The following AGRN variants were observed in gnomAD, a reference collection of about 807,000 sequenced individuals.
The protein encoded by AGRN is agrin.
Under a neutral mutation model 211.0 loss-of-function variants are expected in AGRN, and 106 were observed. The ratio of observed to expected loss-of-function variants is 0.50; its 90% CI spans 0.43 to 0.59. AGRN has a LOEUF of 0.59. Ranked by LOEUF, AGRN falls within the 20% of genes least tolerant of loss-of-function variation. The pLI is 0.00. For synonymous variants in AGRN, 1,525 were observed against 1,332.5 expected (o/e 1.14, Z -3.15); for missense variants, 3,040 against 2,982.6 (o/e 1.02, Z -0.45).
intron 14 of AGRN, 97 bp from the exon 15 acceptor site, chr1:1,045,636 G>A (rs1645069956): frequency 3.1e-6 from 5 of 1,608,046 alleles, no homozygotes; most frequent in South Asian, 1.1e-5. Context: ...ACCTGGCTGG[G>A]GGCTGGGCAG....
intron 22 of AGRN, 21 bp downstream of exon 22, chr1:1,047,916 C>T: frequency 6.2e-7 from 1 of 1,603,936 alleles, no homozygotes; most frequent in South Asian, 1.1e-5. Flanking sequence ...GGCCACGAGC[C>T]ACAGCTTACC....
Position 1,046,488 on chromosome 1 carries a change from C to G in AGRN, c.3003C>G (p.Pro1001=), listed in dbSNP as rs375208869. The change falls in exon 18 of 36, where the codon CCC becomes CCG. Residue 1001 remains proline (P), a synonymous_variant. Coordinates refer to ENST00000379370, the MANE Select transcript of AGRN (RefSeq NM_198576.4). ...LLLSQALPAP[P]GALPLAPSST... Reference sequence around the variant, plus strand: ...TGAGCCAGGCACTGCCGGCCCCCCCCGGCGCCCTCCCCCTGGCTCCCAGCA... The same window carrying G: ...TGAGCCAGGCACTGCCGGCCCCCCCGGGCGCCCTCCCCCTGGCTCCCAGCA... The G allele has an allele frequency of 8.1e-6, 13 of 1,610,532 alleles. No individual in the cohort carries two copies. Among genetic ancestry groups the G allele is most frequent in the African/African-American group, 1.3e-5 (1 of 74,992 alleles).
chr1:1,056,042 G>A lies in AGRN; in HGVS notation c.*1061G>A, dbSNP rs1043556217. ...GACCCGATGAAGCGGGCGGCGGTGG[G>A]GCTGGGTGCCGTGTTACTAACTCTA... On this transcript the variant is annotated 3_prime_UTR_variant, in exon 36 of 36. Transcript: ENST00000379370. 1 of 152,336 alleles carries A rather than the reference G, an allele frequency of 6.6e-6. No homozygotes were observed. Among genetic ancestry groups the A allele is most frequent in the Non-Finnish European group, 1.5e-5 (1 of 68,114 alleles). The allele number at this position is 152,336 out of a possible 1,614,324, so 9.4% of individuals were successfully genotyped here.
chr1:1,022,509 T>G, intron 2 of AGRN, 47 bp downstream of exon 2: 2 of 1,531,304 alleles, frequency 1.3e-6, no homozygotes, highest in Non-Finnish European at 8.9e-7. Context: ...GTCAGGGCAG[T>G]GGCCAAGGGG....
chr1:1,020,405 C>T, intron 1 of AGRN, 32 bp downstream of exon 1: 2 of 1,482,466 alleles, frequency 1.3e-6, no homozygotes, highest in Non-Finnish European at 1.8e-6. Context: ...CCTCCCCTCG[C>T]GACGCCTGCC....
intron 2 of AGRN, among the ~76,000 whole-genome samples, chr1:1,026,821 T>C (rs1392764695): frequency 6.6e-6 from 1 of 152,172 alleles, no homozygotes; most frequent in African/African-American, 2.4e-5. Context: ...AGGGCTGAGA[T>C]ATCACCCCAT....
At chr1:1,044,570 G>C in intron 12 of AGRN, 131 bp downstream of exon 12, 2 of 995,636 alleles carry the variant, frequency 2.0e-6, no homozygotes, top group Non-Finnish European at 3.0e-6. Flanking sequence ...AGTGAGCATC[G>C]TCCAGTGTTG....
chr1:1,051,303 T>C lies in AGRN; in HGVS notation c.5304T>C (p.Ala1768=). The part of the protein sequence containing the change: ...NLKEPLYVGG[A]PDFSKLARAA... ...AGGAGCCGCTCTACGTAGGGGGCGC[T>C]CCCGACTTCAGCAAGCTGGCCCGTG... The change falls in exon 31 of 36, where the codon GCT becomes GCC. Residue 1768 remains alanine, a synonymous_variant. Coordinates refer to ENST00000379370, the MANE Select transcript of AGRN (RefSeq NM_198576.4). 1.9e-6 allele frequency: 3 copies of C among 1,572,384 alleles called. No homozygotes were observed. Among genetic ancestry groups the C allele is most frequent in the Non-Finnish European group, 2.6e-6 (3 of 1,159,802 alleles).
chr1:1,053,510 A>G, intron 33 of AGRN: 1 of 1,526,152 alleles, frequency 6.6e-7, no homozygotes. Flanking sequence ...ACGTGGCAGC[A>G]GTGCCTGCAG....
intron 27 of AGRN, 91 bp from the exon 28 acceptor site, chr1:1,050,142 C>T: frequency 6.3e-7 from 1 of 1,593,484 alleles, no homozygotes; most frequent in Non-Finnish European, 8.6e-7. Flanking sequence ...TCAGTCTAGT[C>T]TGGGTTTTGA....
In AGRN at chr1:1,047,654, G is replaced by T. The variant is rs755901578; in HGVS notation, c.3598G>T (p.Val1200Phe). ...RLRDLGPGKS[V>F]RAIVDVHFDP... ...GCGGGACCTGGGGCCCGGCAAATCC[G>T]TCCGCGCCATTGTGGATGTGCACTT... Residue 1200 changes from valine (V) to phenylalanine (F), a missense_variant, in exon 21 of 36, where the codon GTC (valine) becomes TTC (phenylalanine). By Grantham distance (50) the Val-to-Phe change is conservative. Around this residue, in one of 3 missense-constraint regions of AGRN, gnomAD observed 1,537 missense variants for 1,505.0 expected, o/e 1.02. Transcript: ENST00000379370. 1 of 1,613,082 alleles carries T rather than the reference G, an allele frequency of 6.2e-7. No individual in the cohort carries two copies. Among genetic ancestry groups the T allele is most frequent in the African/African-American group, 1.3e-5 (1 of 75,042 alleles).
At chr1:1,040,544 C>T in intron 3 of AGRN, 121 bp from the exon 4 acceptor site, 1 of 1,214,904 alleles carries the variant, frequency 8.2e-7, no homozygotes, top group Non-Finnish European at 1.2e-6. Flanking sequence ...CCGTGGTGGA[C>T]CCCCGATGCG....
intron 12 of AGRN, 121 bp from the exon 13 acceptor site, chr1:1,045,040 C>T: frequency 8.9e-7 from 1 of 1,119,842 alleles, no homozygotes; most frequent in Non-Finnish European, 1.3e-6. Flanking sequence ...CCGGGCTCCT[C>T]TGGGAGCTGG....
intron 33 of AGRN, chr1:1,053,210 TC>T: frequency 3.3e-6 from 1 of 300,938 alleles, no homozygotes; most frequent in South Asian, 2.7e-5. Flanking sequence ...CACGTGGGTG[TC>T]TGCATGTGGG....
intron 2 of AGRN, among the ~76,000 whole-genome samples, chr1:1,026,171 C>T (rs1451801951): frequency 6.6e-6 from 1 of 152,158 alleles, no homozygotes; most frequent in Non-Finnish European, 1.5e-5. Flanking sequence ...AGCCCTGGCT[C>T]CATTGTTCCT....
chr1:1,051,108 C>A (rs545064869), intron 30 of AGRN, 145 bp from the exon 31 acceptor site: 46 of 1,542,118 alleles, frequency 3.0e-5, no homozygotes, highest in Admixed American at 3.9e-5. Flanking sequence ...GCTCCTCCCC[C>A]ACTAAGGACC....
Position 1,044,273 on chromosome 1 carries a change from C to T in AGRN, c.2148+16C>T, listed in dbSNP as rs1280986157. On this transcript the variant is annotated intron_variant, in intron 11 of 35. Transcript: ENST00000379370. ...AGGCAGCCCGGTGAGCTCTGTACCC[C>T]TGGCTCTCGGCGGGCGGCGGGGACG... 4 of 1,612,642 alleles carry T rather than the reference C, an allele frequency of 2.5e-6. No homozygotes were observed. The highest frequency in any genetic ancestry group is 3.3e-5 in the Admixed American group (2 of 59,996).
rs1426872282 is a variant in AGRN, at chr1:1,050,050, G to A, written c.4879+13G>A. 3 of 1,541,702 alleles carry A rather than the reference G, an allele frequency of 1.9e-6. No homozygotes were observed. The highest frequency in any genetic ancestry group is 2.6e-6 in the Non-Finnish European group (3 of 1,145,820). ...TTCTGCCAGACAGGTCGGGGGCGTG[G>A]GGCTCTCGGGGCAGGGGGGGGGGGG... On this transcript the variant is annotated intron_variant, in intron 27 of 35. Transcript: ENST00000379370.
intron 2 of AGRN, among the ~76,000 whole-genome samples, chr1:1,027,915 C>T (rs1166374533): frequency 2.0e-5 from 3 of 152,346 alleles, no homozygotes; most frequent in South Asian, 2.1e-4. Context: ...GAGGCTCCCA[C>T]GCACCCCCCG....
Sources: allele counts gnomAD v4.1 joint callset (sites outside exome capture counted in the v4.1 genomes callset), GRCh38; gene constraint gnomAD v4.1.1; regional missense constraint gnomAD v4.1.1; transcripts MANE v1.5; gene names NCBI Gene and HGNC (gene_info 2026-07-23, HGNC 2026-07-21).